Variants in DACH1 observed in about 807,000 individuals in gnomAD.
The protein encoded by DACH1 is dachshund homolog 1.
A neutral mutation model predicts 54.2 loss-of-function variants in DACH1; 12 were observed. That is an observed-to-expected ratio of 0.22 (90% CI 0.14 to 0.36). DACH1 has a LOEUF of 0.36. Among genes scored for constraint, DACH1 ranks in the 10% least tolerant of loss-of-function variants. DACH1 has a pLI of 1.00. For synonymous variants in DACH1, 386 were observed against 366.2 expected (o/e 1.05, Z -0.62); for missense variants, 805 against 929.8 (o/e 0.87, Z 1.75).
intron 1 of DACH1, among the ~76,000 whole-genome samples, chr13:71,831,286 T>A (rs1281536296): frequency 2.0e-5 from 3 of 151,822 alleles, no homozygotes; most frequent in African/African-American, 7.2e-5. Flanking sequence ...TTAGTTTTTC[T>A]CATGTTAAAA....
chr13:71,834,042 T>C (rs556784882), intron 1 of DACH1, among the ~76,000 whole-genome samples: 3 of 152,040 alleles, frequency 2.0e-5, no homozygotes, highest in Non-Finnish European at 4.4e-5. Flanking sequence ...CTGGTAGTCA[T>C]AACAAATACG....
intron 6 of DACH1, among the ~76,000 whole-genome samples, chr13:71,512,770 G>A (rs1180947046): frequency 1.3e-5 from 2 of 151,916 alleles, no homozygotes; most frequent in African/African-American, 4.8e-5. Flanking sequence ...TTGCCAAACT[G>A]TGTGTGTCTA....
intron 2 of DACH1, among the ~76,000 whole-genome samples, chr13:71,650,663 A>T (rs1484254034): frequency 6.6e-6 from 1 of 152,144 alleles, no homozygotes; most frequent in Non-Finnish European, 1.5e-5. Flanking sequence ...AAAATCAGGG[A>T]TTTGTAGAAT....
intron 2 of DACH1, among the ~76,000 whole-genome samples, chr13:71,669,444 C>T (rs1378513816): frequency 2.0e-5 from 3 of 152,158 alleles, no homozygotes; most frequent in African/African-American, 4.8e-5. Flanking sequence ...CTGTCACTGT[C>T]TCCCATCACC....
rs779494049 is a variant in DACH1 at position 71,557,117 on chromosome 13, C to T, written c.1477G>A (p.Gly493Ser). 1.2e-6 allele frequency: 2 copies of T among 1,611,960 alleles called. No homozygotes were observed. The highest frequency in any genetic ancestry group is 1.7e-5 in the Admixed American group (1 of 59,712). ...CCAGGAAGTACATTTGGTGATAAGC[C>T]CATCAGCATCTGGTTCATGGACAAC... Reference protein sequence around the residue: ...NGLSMNQMLMGLSPNVLPGPK... With the variant: ...NGLSMNQMLMSLSPNVLPGPK... The change falls in exon 6 of 11, where the codon GGC becomes AGC. Residue 493 changes from glycine to serine, a missense_variant. By Grantham distance (56) the Gly-to-Ser change is moderately conservative. Coordinates refer to ENST00000613252, the MANE Select transcript of DACH1 (RefSeq NM_080759.6).
intron 10 of DACH1, among the ~76,000 whole-genome samples, chr13:71,471,286 A>G (rs974414908): frequency 6.6e-6 from 1 of 151,982 alleles, no homozygotes; most frequent in Non-Finnish European, 1.5e-5. Flanking sequence ...GCCATAGGGA[A>G]GGAACACTGG....
intron 1 of DACH1, among the ~76,000 whole-genome samples, chr13:71,793,101 A>T (rs1886901384): frequency 6.6e-6 from 1 of 152,216 alleles, no homozygotes; most frequent in African/African-American, 2.4e-5. Flanking sequence ...GTTTTAACTG[A>T]AATAATGACA....
chr13:71,860,611 A>G (rs1434371975), intron 1 of DACH1, among the ~76,000 whole-genome samples: 2 of 151,992 alleles, frequency 1.3e-5, no homozygotes, highest in African/African-American at 4.8e-5. Context: ...TTTAGAAGGC[A>G]TAGTTCAAAT....
intron 1 of DACH1, among the ~76,000 whole-genome samples, chr13:71,707,460 G>A (rs1566447370): frequency 6.6e-6 from 1 of 152,222 alleles, no homozygotes; most frequent in Non-Finnish European, 1.5e-5. Context: ...TGGGGAAGGA[G>A]TAGCCCTGAG....
chr13:71,837,790 G>A (rs991481880), intron 1 of DACH1, among the ~76,000 whole-genome samples: 1 of 147,650 alleles, frequency 6.8e-6, no homozygotes, highest in Non-Finnish European at 1.5e-5. Context: ...TTAAGAAAAT[G>A]TGGCACATAT....
At chr13:71,560,143 G>A (rs575544358) in intron 4 of DACH1, among the ~76,000 whole-genome samples, 188 bp from the exon 5 acceptor site, 1 of 152,212 alleles carries the variant, frequency 6.6e-6, no homozygotes, top group South Asian at 2.1e-4. Context: ...GAAAAAGATG[G>A]TCTATGAAAC....
At chr13:71,442,248 G>T (rs2138095586) in intron 10 of DACH1, among the ~76,000 whole-genome samples, 1 of 152,018 alleles carries the variant, frequency 6.6e-6, no homozygotes, top group Middle Eastern at 3.4e-3. Context: ...CAAATTTAAT[G>T]GTTTTAATTT....
chr13:71,637,680 A>G (rs1877584059), intron 2 of DACH1, among the ~76,000 whole-genome samples: 1 of 152,122 alleles, frequency 6.6e-6, no homozygotes, highest in Non-Finnish European at 1.5e-5. Context: ...CTTTTTAAAG[A>G]TAGTGTTTTT....
At chr13:71,539,308 T>C (rs1308918509) in intron 6 of DACH1, among the ~76,000 whole-genome samples, 1 of 152,084 alleles carries the variant, frequency 6.6e-6, no homozygotes, top group African/African-American at 2.4e-5. Context: ...GAAAAATGCT[T>C]TTCTTTGCCT....
intron 1 of DACH1, among the ~76,000 whole-genome samples, chr13:71,794,159 C>T (rs1453256152): frequency 2.0e-5 from 3 of 152,150 alleles, no homozygotes; most frequent in Admixed American, 6.6e-5. Context: ...CAAGCCCATG[C>T]TCTCCGTCAA....
intron 2 of DACH1, among the ~76,000 whole-genome samples, chr13:71,653,494 G>A (rs964397891): frequency 4.6e-5 from 7 of 152,152 alleles, no homozygotes; most frequent in East Asian, 3.9e-4. Flanking sequence ...GCTGCCCTAC[G>A]CATGTCTCTA....
intron 1 of DACH1, among the ~76,000 whole-genome samples, chr13:71,735,554 TG>T (rs1184453286): frequency 6.6e-6 from 1 of 150,772 alleles, no homozygotes; most frequent in East Asian, 2.0e-4. Flanking sequence ...TACGTGTATA[TG>T]GGATATACGT....
At chr13:71,484,105 G>T (rs1878283377) in intron 7 of DACH1, among the ~76,000 whole-genome samples, 1 of 152,044 alleles carries the variant, frequency 6.6e-6, no homozygotes, top group Non-Finnish European at 1.5e-5. Flanking sequence ...AGATACCATG[G>T]TTGGATTATG....
intron 6 of DACH1, among the ~76,000 whole-genome samples, chr13:71,505,504 G>A (rs563531017): frequency 1.3e-5 from 2 of 152,180 alleles, no homozygotes; most frequent in Non-Finnish European, 2.9e-5. Flanking sequence ...GTGTGTGTGT[G>A]TTTGTGTGTG....
Sources: gnomAD v4.1 joint callset for allele counts (sites outside exome capture counted in the v4.1 genomes callset) on GRCh38, gnomAD v4.1.1 for gene constraint, MANE v1.5 for transcripts, NCBI Gene and HGNC (gene_info 2026-07-23, HGNC 2026-07-21) for gene names.